Variants in OPA3 observed in about 807,000 individuals in gnomAD.
OPA3 encodes outer mitochondrial membrane lipid metabolism regulator OPA3, also known as optic atrophy 3 protein.
Under a neutral mutation model 4.0 loss-of-function variants are expected in OPA3, and 6 were observed. The ratio of observed to expected loss-of-function variants is 1.51; its 90% CI spans 0.83 to 2.99. The LOEUF (loss-of-function observed/expected upper bound fraction) is 2.99. Among genes scored for constraint, OPA3 ranks in the 30% most tolerant of loss-of-function variants. The probability of loss-of-function intolerance (pLI) is 0.00; values close to 1 mark genes in which losing one functional copy is unlikely to be tolerated. For missense variants in OPA3, 235 were observed against 256.2 expected, an observed-to-expected ratio of 0.92 and a Z score of 0.56; for synonymous variants, 105 against 117.1, an observed-to-expected ratio of 0.90 and a Z score of 0.67.
intron 1 of OPA3, among the ~76,000 whole-genome samples, chr19:45,535,645 C>T (rs191484438): frequency 2.3e-4 from 35 of 152,132 alleles, no homozygotes; most frequent in African/African-American, 6.7e-4. Flanking sequence ...AGGCATGAAC[C>T]GCCATGCCCA....
intron 1 of OPA3, among the ~76,000 whole-genome samples, chr19:45,539,116 A>C (rs183232713): frequency 5.5e-4 from 83 of 152,286 alleles, no homozygotes; most frequent in African/African-American, 1.9e-3. Flanking sequence ...GGAGAACAGC[A>C]TAAGGGAAAC....
At chr19:45,575,876 G>A (rs1969759532) in intron 1 of OPA3, among the ~76,000 whole-genome samples, 1 of 152,166 alleles carries the variant, frequency 6.6e-6, no homozygotes, top group African/African-American at 2.4e-5. Context: ...AAAGTGCTGG[G>A]ATAACAGGCA....
intron 1 of OPA3, among the ~76,000 whole-genome samples, chr19:45,565,609 GAC>G (rs1969571409): frequency 6.6e-6 from 1 of 152,140 alleles, no homozygotes; most frequent in Admixed American, 6.6e-5. Context: ...CAACCCGGGC[GAC>G]AGAGTGAGAC....
At chr19:45,578,301 C>T (rs183237749) in intron 1 of OPA3, among the ~76,000 whole-genome samples, 121 of 152,266 alleles carry the variant, frequency 7.9e-4, no homozygotes, top group Non-Finnish European at 1.5e-3. Context: ...CCCTAAACTG[C>T]TCCTAAGATC....
intron 1 of OPA3, among the ~76,000 whole-genome samples, chr19:45,572,386 A>C (rs1052299734): frequency 1.5e-5 from 2 of 131,750 alleles, no homozygotes; most frequent in African/African-American, 2.8e-5. Flanking sequence ...TATATCTCAT[A>C]TATATCAACA....
chr19:45,582,599 A>C (rs2122524315), intron 1 of OPA3, among the ~76,000 whole-genome samples: 1 of 152,266 alleles, frequency 6.6e-6, no homozygotes, highest in South Asian at 2.1e-4. Context: ...CCAGTGAGCC[A>C]GGAGTGCTGA....
At chr19:45,534,322 G>C (rs886328714) in intron 1 of OPA3, among the ~76,000 whole-genome samples, 2 of 152,054 alleles carry the variant, frequency 1.3e-5, no homozygotes, top group African/African-American at 2.4e-5. Flanking sequence ...AGCACTTTGG[G>C]AGGCTGAGGT....
intron 1 of OPA3, among the ~76,000 whole-genome samples, chr19:45,534,504 TGAGCCAA>T (rs1352748068): frequency 8.0e-6 from 1 of 125,250 alleles, no homozygotes; most frequent in Non-Finnish European, 1.6e-5. Context: ...GAGGTTGTAG[TGAGCCAA>T]GATCATGCCA....
intron 1 of OPA3, among the ~76,000 whole-genome samples, chr19:45,574,189 C>T (rs562466626): frequency 2.7e-5 from 4 of 147,996 alleles, no homozygotes; most frequent in South Asian, 2.2e-4. Flanking sequence ...GTCAGGAGAT[C>T]GAGACCATCC....
Position 45,553,597 on chromosome 19 carries a change from G to A in OPA3, c.457C>T (p.Arg153Cys). 2 of 1,611,658 alleles carry A rather than the reference G, an allele frequency of 1.2e-6. No individual in the cohort carries two copies. The highest frequency in any genetic ancestry group is 1.7e-6 in the Non-Finnish European group (2 of 1,179,698). ...GCGCGCACCTCTTGCAGCTCTGTGC[G>A]CAGTTCCTCCAGGGCGCCCTGTGGC... Reference protein sequence around the residue: ...APPQGALEELRTELQEVRAQL... With the variant: ...APPQGALEELCTELQEVRAQL... Residue 153 changes from arginine to cysteine, a missense_variant, in exon 2 of 2, where the codon CGC (arginine) becomes TGC (cysteine). Physicochemically the swap from Arg to Cys is radical, Grantham distance 180. Coordinates refer to ENST00000263275, the MANE Select transcript of OPA3 (RefSeq NM_025136.4).
At chr19:45,542,652 TCA>T (rs897638120), downstream of OPA3, among the ~76,000 whole-genome samples, 1 of 148,520 alleles carries the variant, frequency 6.7e-6, no homozygotes, top group African/African-American at 2.5e-5. Context: ...GTACAGTACT[TCA>T]CTGTTTTTTT....
At chr19:45,570,308 C>T (rs998851207) in intron 1 of OPA3, among the ~76,000 whole-genome samples, 2 of 152,192 alleles carry the variant, frequency 1.3e-5, no homozygotes, top group African/African-American at 2.4e-5. Context: ...CGAGATTAAA[C>T]GCAGCCAATG....
chr19:45,546,451 T>A lies in OPA3; in HGVS notation c.*7063A>T, dbSNP rs892149680. The A allele has an allele frequency of 1.8e-5, 11 of 608,436 alleles. No homozygotes were observed. The highest frequency in any genetic ancestry group is 6.4e-5 in the Admixed American group (1 of 15,688). The allele number at this position is 608,436 out of a possible 1,614,324, so 37.7% of individuals were successfully genotyped here. ...TTATACACTTTTAAAATACATAGAA[T>A]TGTAAATTATTGTATAAATATGCAC... On this transcript the variant is annotated 3_prime_UTR_variant, in exon 2 of 2. Transcript: ENST00000263275.
rs944035967 is a variant in OPA3 at position 45,546,499 on chromosome 19, CTTT to C, written c.*7012_*7014del. On this transcript the variant is annotated 3_prime_UTR_variant, in exon 2 of 2. Transcript: ENST00000263275. ...CACACGATGGATTACATAAACTCTGCTTTTTTTTTTTTTTGAGACAGGGTCTCA... is the reference window on the plus strand; with the variant it reads ...CACACGATGGATTACATAAACTCTGCTTTTTTTTTTTGAGACAGGGTCTCA... The C allele has an allele frequency of 6.7e-4, 319 of 473,676 alleles. No homozygotes were observed. The highest frequency in any genetic ancestry group is 7.8e-4 in the Non-Finnish European group (287 of 369,072). The allele number at this position is 473,676 out of a possible 1,614,324, so 29.3% of individuals were successfully genotyped here.
intron 1 of OPA3, among the ~76,000 whole-genome samples, chr19:45,580,316 A>T (rs1230110282): frequency 3.7e-5 from 4 of 106,784 alleles, no homozygotes; most frequent in Non-Finnish European, 7.5e-5. Context: ...TTTTTGAGAC[A>T]GAGTTTCACT....
At chr19:45,540,784 G>C (rs60853616) in intron 1 of OPA3, among the ~76,000 whole-genome samples, 20,482 of 149,342 alleles carry the variant, frequency 0.14, 1,489 homozygotes, top group South Asian at 0.28. Flanking sequence ...GCCTGGGTGA[G>C]AGAGAGAGAC....
At position 45,551,881 on chromosome 19, in the gene OPA3, T is replaced by A; in HGVS notation, c.*1633A>T. ...ATGAAGGATGTGACAATTGAATCCA[T>A]GGGCTTGGATTCGACTGGGTCCCTG... is the stretch of plus-strand genomic sequence containing the variant. On this transcript the variant is annotated 3_prime_UTR_variant, in exon 2 of 2. Coordinates refer to ENST00000263275, the MANE Select transcript of OPA3 (RefSeq NM_025136.4). The A allele has an allele frequency of 1.0e-6, 1 of 985,588 alleles. No individual in the cohort carries two copies. The highest frequency in any genetic ancestry group is 1.2e-6 in the Non-Finnish European group (1 of 830,100). 61.1% of individuals were successfully genotyped at this position (985,588 alleles called of 1,614,324 possible).
At chr19:45,541,248 C>G (rs542562630) in intron 1 of OPA3, among the ~76,000 whole-genome samples, 1 of 152,280 alleles carries the variant, frequency 6.6e-6, no homozygotes, top group Admixed American at 6.5e-5. Flanking sequence ...CCTCCTTCTA[C>G]ACAGGAGGTG....
intron 1 of OPA3, among the ~76,000 whole-genome samples, chr19:45,540,788 G>C (rs1213310094): frequency 2.1e-5 from 3 of 145,826 alleles, no homozygotes; most frequent in Non-Finnish European, 4.6e-5. Flanking sequence ...GGGTGAGAGA[G>C]AGAGACTCCG....
Sources: allele counts gnomAD v4.1 joint callset (sites outside exome capture counted in the v4.1 genomes callset), GRCh38; gene constraint gnomAD v4.1.1; transcripts MANE v1.5; gene names NCBI Gene and HGNC (gene_info 2026-07-23, HGNC 2026-07-21).